Variants in CDHR3 observed in about 807,000 individuals in gnomAD.
The protein encoded by CDHR3 is cadherin-related family member 3.
CDHR3 carries 79 observed loss-of-function variants against 86.6 expected under a neutral mutation model. That is an observed-to-expected ratio of 0.91 (90% CI 0.76 to 1.10). The LOEUF (loss-of-function observed/expected upper bound fraction) is 1.10, where lower values mean the gene tolerates loss of function less well. Ranked by LOEUF, CDHR3 falls within the 50% of genes least tolerant of loss-of-function variation. The probability of loss-of-function intolerance (pLI) is 0.00; values close to 1 mark genes in which losing one functional copy is unlikely to be tolerated. For synonymous variants in CDHR3, 421 were observed against 402.4 expected (o/e 1.05, Z -0.55); for missense variants, 1,081 against 1,077.6 (o/e 1.00, Z -0.04).
At chr7:106,016,519 C>T (rs939673932) in intron 11 of CDHR3, among the ~76,000 whole-genome samples, 1 of 152,156 alleles carries the variant, frequency 6.6e-6, no homozygotes, top group African/African-American at 2.4e-5. Context: ...CAGGCTCCTC[C>T]CCCTTTAAGG....
rs1044668975 is a variant in CDHR3, at chr7:106,034,717, A to T, written c.*2020A>T. Among the ~76,000 whole-genome samples, 4 of 152,250 alleles carry T rather than the reference A, an allele frequency of 2.6e-5. No homozygotes were observed. Among genetic ancestry groups the T allele is most frequent in the African/African-American group, 9.6e-5 (4 of 41,458 alleles). ...CTTTCCTTGGAAGCTCTCAGCTTCA[A>T]TGCAAGTAAAATGAGGTTCTGAGAA... On this transcript the variant is annotated 3_prime_UTR_variant, in exon 19 of 19. Transcript: ENST00000317716.
intron 4 of CDHR3, among the ~76,000 whole-genome samples, chr7:105,987,983 C>G (rs1039582314): frequency 6.6e-6 from 1 of 152,238 alleles, no homozygotes; most frequent in Non-Finnish European, 1.5e-5. Flanking sequence ...CTCAACTTTC[C>G]TGGCTCAGGT....
At position 106,033,028 on chromosome 7, in the gene CDHR3, A is replaced by C. The variant is rs1838606578; in HGVS notation, c.*331A>C. ...GGAAGCTCTATTCTGTTCACCATAG[A>C]AAGTTTGTAGGAATTCCTGACATAA... On this transcript the variant is annotated 3_prime_UTR_variant, in exon 19 of 19. Coordinates refer to ENST00000317716, the MANE Select transcript of CDHR3 (RefSeq NM_152750.5). The C allele has an allele frequency of 4.0e-6, 1 of 247,886 alleles. No individual in the cohort carries two copies. The highest frequency in any genetic ancestry group is 7.8e-6 in the Non-Finnish European group (1 of 127,984). 15.4% of individuals were successfully genotyped at this position (247,886 alleles called of 1,614,324 possible).
chr7:106,031,470 T>A (rs1013714858), intron 18 of CDHR3, among the ~76,000 whole-genome samples: 1 of 152,212 alleles, frequency 6.6e-6, no homozygotes, highest in Non-Finnish European at 1.5e-5. Flanking sequence ...GGAAACCAAA[T>A]TCAGGAGGCA....
chr7:106,018,024 T>C lies in CDHR3; in HGVS notation c.1605T>C (p.Tyr535=). The change falls in exon 12 of 19, where the codon TAT becomes TAC. Residue 535 remains tyrosine (Y), a synonymous_variant. Coordinates refer to ENST00000317716, the MANE Select transcript of CDHR3 (RefSeq NM_152750.5). ...TGGACTGTGAAACAACCCCCATCTA[T>C]ATTCTCAGAATCCAGGCCACCAACA... is the stretch of plus-strand genomic sequence containing the variant. ...TKVDCETTPI[Y]ILRIQATNNE... 1 of 1,613,894 alleles carries C rather than the reference T, an allele frequency of 6.2e-7. No homozygotes were observed. Among genetic ancestry groups the C allele is most frequent in the Non-Finnish European group, 8.5e-7 (1 of 1,179,856 alleles).
rs540556524 is a variant in CDHR3 at position 105,992,722 on chromosome 7, C to T, written c.514-2029C>T. Among the ~76,000 whole-genome samples, 6 of 152,262 alleles carry T rather than the reference C, an allele frequency of 3.9e-5. No homozygotes were observed. The East Asian group carries it at 1.2e-3, about 29-fold the overall frequency. ...ATGCTCAAGATATAAACACAATGAA[C>T]AGATATTATAATTTTGATGATAACA... On this transcript the variant is annotated intron_variant, in intron 4 of 18. Coordinates refer to ENST00000317716, the MANE Select transcript of CDHR3 (RefSeq NM_152750.5).
At position 106,012,880 on chromosome 7, in the gene CDHR3, C is replaced by T. The variant is rs765514072; in HGVS notation, c.1073C>T (p.Thr358Ile). The T allele has an allele frequency of 4.4e-6, 7 of 1,606,322 alleles. No homozygotes were observed. The highest frequency in any genetic ancestry group is 3.4e-5 in the Admixed American group (2 of 58,212). ...FTFSIMVPER[T>I]AKGTLLLDLN... ...ACCAGCATTATGGTGCCGGAAAGAA[C>T]AGCCAAGGGGACGTTGCTTCTTGAC... is the stretch of plus-strand genomic sequence containing the variant. The change falls in exon 9 of 19, where the codon ACA (threonine) becomes ATA (isoleucine). Residue 358 changes from threonine to isoleucine, a missense_variant. Thr to Ile is a moderately conservative substitution (Grantham distance 89, BLOSUM62 -1). Transcript: ENST00000317716.
chr7:105,963,737 C>G (rs1052781340), intron 1 of CDHR3, among the ~76,000 whole-genome samples: 1 of 152,018 alleles, frequency 6.6e-6, no homozygotes, highest in Non-Finnish European at 1.5e-5. Context: ...TCTGGAGGCT[C>G]GTAGGGCAAC....
chr7:105,995,366 G>A (rs929119705), intron 5 of CDHR3, among the ~76,000 whole-genome samples: 4 of 149,502 alleles, frequency 2.7e-5, no homozygotes, highest in African/African-American at 5.2e-5. Flanking sequence ...ATCAAACAAA[G>A]TAACATTTAA....
At chr7:106,022,772 T>C (rs1836771817) in intron 14 of CDHR3, among the ~76,000 whole-genome samples, 1 of 152,186 alleles carries the variant, frequency 6.6e-6, no homozygotes, top group African/African-American at 2.4e-5. Context: ...TCCATGGGCA[T>C]GCTGCCAGTT....
intron 1 of CDHR3, among the ~76,000 whole-genome samples, chr7:105,965,981 C>T (rs899361475): frequency 6.6e-6 from 1 of 152,168 alleles, no homozygotes; most frequent in Admixed American, 6.5e-5. Context: ...TTTAAATTCA[C>T]TTCTGTCCTT....
intron 4 of CDHR3, among the ~76,000 whole-genome samples, chr7:105,988,415 C>T (rs1453820460): frequency 6.6e-6 from 1 of 152,192 alleles, no homozygotes; most frequent in East Asian, 1.9e-4. Flanking sequence ...CTGAAGCGAC[C>T]TAGGCTTGGT....
chr7:106,008,419 A>G (rs1180310116), intron 8 of CDHR3, among the ~76,000 whole-genome samples: 1 of 151,756 alleles, frequency 6.6e-6, no homozygotes. Flanking sequence ...AGGGTGCTTC[A>G]CTCTCACGAG....
chr7:106,028,406 C>CAT, intron 16 of CDHR3, 145 bp from the exon 17 acceptor site: 1 of 875,148 alleles, frequency 1.1e-6, no homozygotes, highest in Non-Finnish European at 1.9e-6. Context: ...TGTCAAGAAA[C>CAT]ATATCTATAG....
chr7:106,004,433 T>A, intron 7 of CDHR3, 65 bp from the exon 8 acceptor site: 1 of 1,321,626 alleles, frequency 7.6e-7, no homozygotes, highest in Non-Finnish European at 1.1e-6. Flanking sequence ...TCCAGTTTTC[T>A]CCAAGTTTCT....
At chr7:105,990,364 A>G (rs183620706) in intron 4 of CDHR3, among the ~76,000 whole-genome samples, 22 of 152,292 alleles carry the variant, frequency 1.4e-4, no homozygotes, top group Admixed American at 5.2e-4. Context: ...GTAGTTTTTT[A>G]ACGATAGTTT....
At chr7:106,015,846 A>C (rs1217674268) in intron 10 of CDHR3, 81 bp from the exon 11 acceptor site, 2 of 1,043,088 alleles carry the variant, frequency 1.9e-6, no homozygotes, top group South Asian at 1.4e-5. Context: ...GCCTGTACAC[A>C]GGAGATTCTT....
At chr7:106,024,717 C>G (rs1447345806) in intron 15 of CDHR3, among the ~76,000 whole-genome samples, 155 bp downstream of exon 15, 1 of 152,174 alleles carries the variant, frequency 6.6e-6, no homozygotes, top group Non-Finnish European at 1.5e-5. Flanking sequence ...GAAGGAATCC[C>G]AGCTCCCCTC....
At chr7:105,989,746 G>A (rs992375722) in intron 4 of CDHR3, among the ~76,000 whole-genome samples, 3 of 152,140 alleles carry the variant, frequency 2.0e-5, no homozygotes, top group Non-Finnish European at 2.9e-5. Flanking sequence ...AGGGAACTGA[G>A]GGGTCAGGTA....
Sources: allele counts gnomAD v4.1 joint callset (sites outside exome capture counted in the v4.1 genomes callset), GRCh38; gene constraint gnomAD v4.1.1; transcripts MANE v1.5; gene names NCBI Gene and HGNC (gene_info 2026-07-23, HGNC 2026-07-21).